The following LRRIQ3 variants were observed in gnomAD, a reference collection of about 807,000 sequenced individuals.
LRRIQ3 encodes leucine-rich repeat and IQ domain-containing protein 3.
In LRRIQ3, 75 loss-of-function variants were observed where a neutral mutation model predicts 59.3. The ratio of observed to expected loss-of-function variants is 1.26; its 90% CI spans 1.05 to 1.53. The LOEUF is 1.53. LRRIQ3 is among the 40% of genes most tolerant of loss of function. LRRIQ3 has a pLI of 0.00. For missense variants in LRRIQ3, 831 were observed against 710.0 expected (o/e 1.17, Z -1.94); for synonymous variants, 250 against 231.3 (o/e 1.08, Z -0.73).
intron 3 of LRRIQ3, among the ~76,000 whole-genome samples, chr1:74,163,684 G>A (rs1157332640): frequency 2.6e-5 from 4 of 151,464 alleles, no homozygotes; most frequent in Non-Finnish European, 5.9e-5. Context: ...GTATTTTCCA[G>A]TTCGGGGCCA....
rs114394288 is a variant in LRRIQ3, at chr1:74,136,559, T to A, written c.707+19174A>T. ...AGAAATAGATCTAATTATATATATA[T>A]TAGAAATAGCAAAAAATCATCAGGG... is the stretch of plus-strand genomic sequence containing the variant. On this transcript the variant is annotated intron_variant, in intron 4 of 7. Coordinates refer to ENST00000354431, the MANE Select transcript of LRRIQ3 (RefSeq NM_001105659.2). Among the ~76,000 whole-genome samples, 460 of 152,012 alleles carry A rather than the reference T, an allele frequency of 3.0e-3. 1 individual carries two copies. The highest frequency in any genetic ancestry group is 0.01 in the African/African-American group (435 of 41,544).
At chr1:74,144,053 AG>A (rs1045061344) in intron 4 of LRRIQ3, among the ~76,000 whole-genome samples, 1 of 151,904 alleles carries the variant, frequency 6.6e-6, no homozygotes, top group Non-Finnish European at 1.5e-5. Context: ...TGGTGTTTAA[AG>A]TTTTGACCTC....
intron 4 of LRRIQ3, among the ~76,000 whole-genome samples, chr1:74,126,087 G>T (rs1344106678): frequency 6.6e-6 from 1 of 151,732 alleles, no homozygotes; most frequent in Non-Finnish European, 1.5e-5. Flanking sequence ...TTAGTAAGTT[G>T]TATGTGTATA....
chr1:74,100,070 G>C (rs1305048851), intron 5 of LRRIQ3, among the ~76,000 whole-genome samples: 3 of 152,124 alleles, frequency 2.0e-5, no homozygotes, highest in African/African-American at 4.8e-5. Context: ...AATCAGGCAG[G>C]AGAAAGAAAT....
At chr1:74,159,909 C>T (rs575624243) in intron 3 of LRRIQ3, among the ~76,000 whole-genome samples, 5 of 152,114 alleles carry the variant, frequency 3.3e-5, no homozygotes, top group Admixed American at 2.6e-4. Flanking sequence ...CTCTTTCTCT[C>T]GCACCTTTTT....
At chr1:74,178,095 T>A (rs1323434764) in intron 3 of LRRIQ3, among the ~76,000 whole-genome samples, 1 of 151,946 alleles carries the variant, frequency 6.6e-6, no homozygotes, top group Non-Finnish European at 1.5e-5. Context: ...CTACATTGTT[T>A]GAAACTAATG....
chr1:74,145,263 A>T (rs969916736), intron 4 of LRRIQ3, among the ~76,000 whole-genome samples: 1 of 152,134 alleles, frequency 6.6e-6, no homozygotes, highest in Non-Finnish European at 1.5e-5. Context: ...CAAGGACAAC[A>T]AAAGGGTATT....
intron 3 of LRRIQ3, among the ~76,000 whole-genome samples, chr1:74,175,865 A>G (rs1016449939): frequency 2.6e-5 from 4 of 152,202 alleles, no homozygotes; most frequent in Admixed American, 2.6e-4. Context: ...TCACTAATTT[A>G]CCAGATCAGG....
At chr1:74,111,836 A>C (rs1002246418) in intron 4 of LRRIQ3, among the ~76,000 whole-genome samples, 1 of 151,968 alleles carries the variant, frequency 6.6e-6, no homozygotes, top group Non-Finnish European at 1.5e-5. Flanking sequence ...TCCCTCTACT[A>C]CTGGGTCCCA....
At chr1:74,075,973 T>C (rs1414596914) in intron 5 of LRRIQ3, among the ~76,000 whole-genome samples, 2 of 152,116 alleles carry the variant, frequency 1.3e-5, no homozygotes, top group Non-Finnish European at 2.9e-5. Flanking sequence ...TCAAATAACT[T>C]CTGTTTAATA....
chr1:74,065,792 A>G (rs1159468015), intron 6 of LRRIQ3, among the ~76,000 whole-genome samples: 2 of 152,124 alleles, frequency 1.3e-5, no homozygotes, highest in African/African-American at 4.8e-5. Context: ...TAATTCTAAT[A>G]TGGTAATAAA....
intron 4 of LRRIQ3, among the ~76,000 whole-genome samples, chr1:74,131,089 T>C (rs1291278668): frequency 6.6e-6 from 1 of 152,042 alleles, no homozygotes; most frequent in African/African-American, 2.4e-5. Context: ...CAAAGAATAC[T>C]ATAAACATCT....
chr1:74,183,977 G>A (rs1275811676), intron 1 of LRRIQ3, among the ~76,000 whole-genome samples: 1 of 151,916 alleles, frequency 6.6e-6, no homozygotes, highest in African/African-American at 2.4e-5. Flanking sequence ...AAGAAACTGA[G>A]ATAAAATCAT....
At chr1:74,141,443 A>C (rs2100637689) in intron 4 of LRRIQ3, among the ~76,000 whole-genome samples, 1 of 152,028 alleles carries the variant, frequency 6.6e-6, no homozygotes, top group South Asian at 2.1e-4. Flanking sequence ...TCAAGAAAAA[A>C]AAATCAGTTT....
intron 3 of LRRIQ3, among the ~76,000 whole-genome samples, chr1:74,170,279 T>C (rs982545019): frequency 3.3e-5 from 5 of 152,168 alleles, no homozygotes; most frequent in Non-Finnish European, 7.3e-5. Context: ...GGTTTTCCCC[T>C]TTTTCCTTCT....
intron 6 of LRRIQ3, among the ~76,000 whole-genome samples, chr1:74,055,937 G>A (rs1654520032): frequency 2.0e-5 from 3 of 152,112 alleles, no homozygotes; most frequent in Admixed American, 2.0e-4. Flanking sequence ...GAGGTCAGGT[G>A]ATCAAGATCA....
intron 4 of LRRIQ3, among the ~76,000 whole-genome samples, chr1:74,151,393 A>C (rs1228921421): frequency 6.6e-6 from 1 of 152,104 alleles, no homozygotes; most frequent in African/African-American, 2.4e-5. Context: ...TAACAACTAG[A>C]AGGCAAATTT....
At chr1:74,047,143 G>A (rs1048376192) in intron 6 of LRRIQ3, among the ~76,000 whole-genome samples, 2 of 152,026 alleles carry the variant, frequency 1.3e-5, no homozygotes, top group Non-Finnish European at 2.9e-5. Flanking sequence ...ACATACACAC[G>A]TATGTTTATT....
intron 4 of LRRIQ3, among the ~76,000 whole-genome samples, chr1:74,123,726 A>G: frequency 6.6e-6 from 1 of 151,988 alleles, no homozygotes; most frequent in East Asian, 1.9e-4. Flanking sequence ...CACTTAGGTT[A>G]CTTTCAAATC....
Sources: allele counts gnomAD v4.1 joint callset (sites outside exome capture counted in the v4.1 genomes callset), GRCh38; gene constraint gnomAD v4.1.1; transcripts MANE v1.5; gene names NCBI Gene and HGNC (gene_info 2026-07-23, HGNC 2026-07-21).